Variants in CYP4X1 observed in about 807,000 individuals in gnomAD.
The protein encoded by CYP4X1 is cytochrome P450 family 4 subfamily X member 1.
Under a neutral mutation model 57.9 loss-of-function variants are expected in CYP4X1, and 44 were observed. The observed-to-expected ratio is 0.76, with a 90% CI of 0.60 to 0.98. The LOEUF (loss-of-function observed/expected upper bound fraction) is 0.98. CYP4X1 is among the 50% of genes least tolerant of loss of function. The pLI, the probability that CYP4X1 is intolerant of heterozygous loss-of-function variation, is 0.00. For synonymous variants in CYP4X1, 227 were observed against 228.6 expected (o/e 0.99, Z 0.06); for missense variants, 532 against 623.9 (o/e 0.85, Z 1.57).
chr1:47,046,347 C>G lies in CYP4X1; in HGVS notation c.1074-120C>G, dbSNP rs868394581. 8.0e-6 allele frequency: 11 copies of G among 1,381,254 alleles called. No homozygotes were observed. The Middle Eastern group carries it at 1.8e-3, about 224-fold the overall frequency. The allele number at this position is 1,381,254 out of a possible 1,614,324, so 85.6% of individuals were successfully genotyped here. A position where few individuals can be genotyped will look rare whatever the true frequency, so the allele number is the denominator to read the frequency against. On this transcript the variant is annotated intron_variant, in intron 8 of 11. Transcript: ENST00000371901. ...AGAGTCCCATTTTAACATTCTGTTACATAAACCAGTGGCAAAATGGCTTTA... is the reference window on the plus strand; with the variant it reads ...AGAGTCCCATTTTAACATTCTGTTAGATAAACCAGTGGCAAAATGGCTTTA...
chr1:47,047,591 C>G (rs1448450583), intron 9 of CYP4X1, among the ~76,000 whole-genome samples: 6 of 151,084 alleles, frequency 4.0e-5, no homozygotes, highest in Admixed American at 4.0e-4. Flanking sequence ...AATCACAGTT[C>G]TGTGTGTGTG....
At chr1:47,047,558 T>C (rs1644315831) in intron 9 of CYP4X1, among the ~76,000 whole-genome samples, 1 of 152,178 alleles carries the variant, frequency 6.6e-6, no homozygotes, top group South Asian at 2.1e-4. Flanking sequence ...CAATGGAAAT[T>C]TGTCATGGGA....
At chr1:46,963,883 A>G in the CYP4X1 span, among the ~76,000 whole-genome samples, 8 of 152,348 alleles carry the variant, frequency 5.3e-5, no homozygotes, top group East Asian at 1.2e-3. Context: ...AGGTACACCA[A>G]TCAGACATAG....
chr1:47,005,655 TG>T, the CYP4X1 span, among the ~76,000 whole-genome samples: 64 of 152,350 alleles, frequency 4.2e-4, no homozygotes, highest in African/African-American at 1.4e-3. Context: ...AATGATTAAG[TG>T]TAAGCAATTT....
the CYP4X1 span, among the ~76,000 whole-genome samples, chr1:46,977,812 G>T: frequency 1.3e-5 from 2 of 151,952 alleles, no homozygotes; most frequent in Non-Finnish European, 2.9e-5. Flanking sequence ...AAGAGTGGGG[G>T]TCAATATTCA....
the CYP4X1 span, among the ~76,000 whole-genome samples, chr1:46,988,685 C>T: frequency 4.6e-5 from 7 of 152,134 alleles, no homozygotes; most frequent in Admixed American, 1.3e-4. Flanking sequence ...GCTTATCCAC[C>T]ATGATCAATT....
intron 1 of CYP4X1, among the ~76,000 whole-genome samples, chr1:47,025,713 C>T (rs1300206715): frequency 2.0e-5 from 3 of 152,124 alleles, no homozygotes; most frequent in African/African-American, 7.2e-5. Flanking sequence ...TCCAAATCCT[C>T]TAATAGATCT....
chr1:47,009,171 A>G, the CYP4X1 span, among the ~76,000 whole-genome samples: 1 of 152,148 alleles, frequency 6.6e-6, no homozygotes, highest in Non-Finnish European at 1.5e-5. Flanking sequence ...GTTGGCAGTA[A>G]AGCACTCCTC....
the CYP4X1 span, among the ~76,000 whole-genome samples, chr1:46,998,406 T>C: frequency 3.9e-5 from 6 of 152,128 alleles, no homozygotes; most frequent in Admixed American, 1.3e-4. Context: ...AATTCCTGAT[T>C]TGCCCATTTG....
At chr1:47,008,974 CTT>C in the CYP4X1 span, among the ~76,000 whole-genome samples, 1 of 152,142 alleles carries the variant, frequency 6.6e-6, no homozygotes, top group Admixed American at 6.5e-5. Context: ...TAATGGGAGA[CTT>C]TAACACCCCA....
At chr1:47,005,139 C>T in the CYP4X1 span, among the ~76,000 whole-genome samples, 1 of 152,194 alleles carries the variant, frequency 6.6e-6, no homozygotes, top group Admixed American at 6.5e-5. Flanking sequence ...ACCTCAACCT[C>T]TCCAAAGGGG....
At chr1:47,040,530 A>G (rs951194472) in intron 8 of CYP4X1, among the ~76,000 whole-genome samples, 2 of 152,194 alleles carry the variant, frequency 1.3e-5, no homozygotes, top group African/African-American at 4.8e-5. Context: ...TTATAAAAGT[A>G]TATCAGAGAT....
chr1:47,054,955 T>C (rs888862395), downstream of CYP4X1, among the ~76,000 whole-genome samples: 12 of 152,180 alleles, frequency 7.9e-5, no homozygotes, highest in Non-Finnish European at 1.5e-4. Flanking sequence ...TCCAACACTA[T>C]GTTGAATAGG....
At position 47,023,813 on chromosome 1, in the gene CYP4X1, G is replaced by C; in HGVS notation, c.-5G>C. On this transcript the variant is annotated 5_prime_UTR_variant, in exon 1 of 12. Transcript: ENST00000371901. ...AACCGCCGGCGTTCGGCGCTGCGCA[G>C]AGCCATGGAATTCTCCTGGCTGGAG... 1 of 1,612,318 alleles carries C rather than the reference G, an allele frequency of 6.2e-7. No individual in the cohort carries two copies. The highest frequency in any genetic ancestry group is 8.5e-7 in the Non-Finnish European group (1 of 1,179,708).
the CYP4X1 span, among the ~76,000 whole-genome samples, chr1:47,009,151 T>C: frequency 6.6e-6 from 1 of 152,132 alleles, no homozygotes; most frequent in South Asian, 2.1e-4. Context: ...ATTCCAAAAT[T>C]GACCACATAG....
At chr1:47,043,490 GT>G (rs1334861304) in intron 8 of CYP4X1, among the ~76,000 whole-genome samples, 3 of 151,846 alleles carry the variant, frequency 2.0e-5, no homozygotes, top group African/African-American at 7.3e-5. Context: ...TTTCGTTGTT[GT>G]TGTTTTTTGG....
At chr1:47,007,610 C>T in the CYP4X1 span, among the ~76,000 whole-genome samples, 50 of 152,268 alleles carry the variant, frequency 3.3e-4, no homozygotes, top group Non-Finnish European at 6.8e-4. Context: ...AAGAAGGCTT[C>T]AGATGATCAA....
chr1:47,011,242 G>A, the CYP4X1 span, among the ~76,000 whole-genome samples: 1 of 152,132 alleles, frequency 6.6e-6, no homozygotes, highest in East Asian at 1.9e-4. Flanking sequence ...AGAGCCCTCA[G>A]AAATAATACC....
At chr1:47,052,802 TAAA>T (rs869097308), downstream of CYP4X1, among the ~76,000 whole-genome samples, 1 of 151,904 alleles carries the variant, frequency 6.6e-6, no homozygotes, top group African/African-American at 2.4e-5. Context: ...AATAAATAAA[TAAA>T]AAATAAAATA....
Sources: gnomAD v4.1 joint callset for allele counts (sites outside exome capture counted in the v4.1 genomes callset) on GRCh38, gnomAD v4.1.1 for gene constraint, MANE v1.5 for transcripts, NCBI Gene and HGNC (gene_info 2026-07-23, HGNC 2026-07-21) for gene names.